Variants in BCL11B observed in about 807,000 individuals in gnomAD.
The protein encoded by BCL11B is B-cell lymphoma/leukemia 11B.
In BCL11B, 8 loss-of-function variants were observed where a neutral mutation model predicts 49.9. The observed-to-expected ratio is 0.16, with a 90% CI of 0.09 to 0.29. The LOEUF (loss-of-function observed/expected upper bound fraction) is 0.29, where lower values mean the gene tolerates loss of function less well. BCL11B is among the 10% of genes least tolerant of loss of function. The probability of loss-of-function intolerance (pLI) is 1.00; values close to 1 mark genes in which losing one functional copy is unlikely to be tolerated. For missense variants in BCL11B, 1,006 were observed against 1,351.0 expected (o/e 0.74, Z 4.00); for synonymous variants, 739 against 637.4 (o/e 1.16, Z -2.40).
At position 99,194,218 on chromosome 14, in the gene BCL11B, A is replaced by T. The variant is rs1208634896; in HGVS notation, c.641-18023T>A. ...CTGGACACCTGTCCTCCCTCCTCAC[A>T]GCCCCAGCACAGAGCAAGTGCTGCT... On this transcript the variant is annotated intron_variant, in intron 3 of 3. Coordinates refer to ENST00000357195, the MANE Select transcript of BCL11B (RefSeq NM_138576.4). The surrounding 1 kb of genome is among the most constrained non-coding windows in gnomAD (Gnocchi z 4.6). 6.6e-6 allele frequency among the ~76,000 whole-genome samples: 1 copy of T among 152,014 alleles called. No homozygotes were observed. Among genetic ancestry groups the T allele is most frequent in the Non-Finnish European group, 1.5e-5 (1 of 67,984 alleles).
At position 99,173,200 on chromosome 14, in the gene BCL11B, G is replaced by A. The variant is rs763543072; in HGVS notation, c.*951C>T. ...CCATCTCCCCAAAAAGGTACCCTCAGCCCATTTTATGTAGCCTAATCTACA... is the reference window on the plus strand; with the variant it reads ...CCATCTCCCCAAAAAGGTACCCTCAACCCATTTTATGTAGCCTAATCTACA... On this transcript the variant is annotated 3_prime_UTR_variant, in exon 4 of 4. Transcript: ENST00000357195. 8.7e-6 allele frequency: 2 copies of A among 229,314 alleles called. No homozygotes were observed. Among genetic ancestry groups the A allele is most frequent in the Non-Finnish European group, 8.6e-6 (1 of 115,678 alleles). The allele number at this position is 229,314 out of a possible 1,614,324, so 14.2% of individuals were successfully genotyped here. A position where few individuals can be genotyped will look rare whatever the true frequency, so the allele number is the denominator to read the frequency against.
At chr14:99,189,989 C>T (rs867668842) in intron 3 of BCL11B, among the ~76,000 whole-genome samples, 2 of 152,130 alleles carry the variant, frequency 1.3e-5, no homozygotes, top group African/African-American at 2.4e-5. Flanking sequence ...GGGTGTGGGC[C>T]GAGCCCAGGA....
intron 1 of BCL11B, 94 bp downstream of exon 1, chr14:99,271,067 T>C: frequency 2.2e-6 from 3 of 1,335,686 alleles, no homozygotes; most frequent in Non-Finnish European, 2.9e-6. Context: ...CCCCGGCGCC[T>C]GGCCAGGCTC....
Position 99,271,268 on chromosome 14 carries a change from G to T in BCL11B, c.-50C>A. 1 of 1,285,322 alleles carries T rather than the reference G, an allele frequency of 7.8e-7. No homozygotes were observed. Among genetic ancestry groups the T allele is most frequent in the Non-Finnish European group, 9.9e-7 (1 of 1,014,340 alleles). The allele number at this position is 1,285,322 out of a possible 1,614,324, so 79.6% of individuals were successfully genotyped here. A position where few individuals can be genotyped will look rare whatever the true frequency, so the allele number is the denominator to read the frequency against. Reference sequence around the variant, plus strand: ...GCCCGGAGAGCTGCACTGATGGGGGGAGCCGGGGGAGGGGGTCCGAGCCGC... The same window carrying T: ...GCCCGGAGAGCTGCACTGATGGGGGTAGCCGGGGGAGGGGGTCCGAGCCGC... On this transcript the variant is annotated 5_prime_UTR_variant, in exon 1 of 4. Coordinates refer to ENST00000357195, the MANE Select transcript of BCL11B (RefSeq NM_138576.4).
At chr14:99,252,978 G>A (rs567347482) in intron 2 of BCL11B, among the ~76,000 whole-genome samples, 29 of 152,386 alleles carry the variant, frequency 1.9e-4, no homozygotes, top group African/African-American at 6.5e-4. Context: ...TCGGCATGCT[G>A]CCAAGCAGGG....
intron 1 of BCL11B, among the ~76,000 whole-genome samples, chr14:99,268,866 T>C (rs1202116635): frequency 1.3e-5 from 2 of 152,170 alleles, no homozygotes; most frequent in African/African-American, 4.8e-5. Context: ...TCCCTGCCAC[T>C]GCTCCAGTGT....
rs1210204534 is a variant in BCL11B, at chr14:99,174,046, C to A, written c.*105G>T. On this transcript the variant is annotated 3_prime_UTR_variant, in exon 4 of 4. Coordinates refer to ENST00000357195, the MANE Select transcript of BCL11B (RefSeq NM_138576.4). ...TGCCGCCTCCCCTGGGCCCCGGGGA[C>A]ACGCGGGGTGCGGGGTGGCGGTGAC... 1 of 1,202,078 alleles carries A rather than the reference C, an allele frequency of 8.3e-7. No individual in the cohort carries two copies. Among genetic ancestry groups the A allele is most frequent in the South Asian group, 1.4e-5 (1 of 70,866 alleles). The allele number at this position is 1,202,078 out of a possible 1,614,324, so 74.5% of individuals were successfully genotyped here.
At chr14:99,229,003 A>AATGGATGGATGGATGGATGGATGGATGG (rs546394639) in intron 3 of BCL11B, among the ~76,000 whole-genome samples, 1 of 107,538 alleles carries the variant, frequency 9.3e-6, no homozygotes, top group East Asian at 2.9e-4. Flanking sequence ...TACATGGATG[A>AATGGATGGATGGATGGATGGATGGATGG]ATGGATGGAT....
intron 3 of BCL11B, among the ~76,000 whole-genome samples, chr14:99,208,914 G>A (rs1424021460): frequency 1.3e-5 from 2 of 152,212 alleles, no homozygotes; most frequent in Non-Finnish European, 2.9e-5. Context: ...GCCAGGCCAA[G>A]GCCAACGTGG....
Position 99,205,392 on chromosome 14 carries a change from C to T in BCL11B, c.640+25953G>A, listed in dbSNP as rs146265843. 4.5e-3 allele frequency among the ~76,000 whole-genome samples: 679 copies of T among 152,260 alleles called. 5 individuals are homozygous for T. Among genetic ancestry groups the T allele is most frequent in the African/African-American group, 0.015 (639 of 41,552 alleles). On this transcript the variant is annotated intron_variant, in intron 3 of 3. Coordinates refer to ENST00000357195, the MANE Select transcript of BCL11B (RefSeq NM_138576.4). The surrounding 1 kb of genome is among the most constrained non-coding windows in gnomAD (Gnocchi z 5.0). ...TCACTCTGGTGCTCCACAAGTTTGA[C>T]GGTTTGGGAAAATTCGCGGACTCTC...
At chr14:99,203,114 T>C (rs1322319025) in intron 3 of BCL11B, among the ~76,000 whole-genome samples, 1 of 152,210 alleles carries the variant, frequency 6.6e-6, no homozygotes, top group African/African-American at 2.4e-5. Context: ...AAACTGAGGC[T>C]GTGGCTTTCC....
Position 99,174,761 on chromosome 14 carries a change from T to C in BCL11B, c.2075A>G (p.Lys692Arg). 1 of 1,499,794 alleles carries C rather than the reference T, an allele frequency of 6.7e-7. No homozygotes were observed. Among genetic ancestry groups the C allele is most frequent in the Non-Finnish European group, 8.9e-7 (1 of 1,124,820 alleles). 92.9% of individuals were successfully genotyped at this position (1,499,794 alleles called of 1,614,324 possible). Residue 692 changes from lysine (K) to arginine (R), a missense_variant, in exon 4 of 4, where the codon AAG becomes AGG. By Grantham distance (26) the Lys-to-Arg change is conservative. Around this residue, in one of 6 missense-constraint regions of BCL11B, gnomAD observed 443 missense variants for 499.7 expected, o/e 0.89. Transcript: ENST00000357195. ...NSAAKRIKVE[K>R]DLELPPAALI... ...CGCGGCGGGCGGCAGCTCCAGGTCC[T>C]TCTCCACCTTGATGCGCTTGGCGGC...
intron 3 of BCL11B, among the ~76,000 whole-genome samples, chr14:99,190,578 A>G (rs1886995727): frequency 6.6e-6 from 1 of 152,176 alleles, no homozygotes; most frequent in African/African-American, 2.4e-5. Context: ...CCCATTCCTA[A>G]CAATGGGGAA....
At chr14:99,206,067 C>T (rs1887525198) in intron 3 of BCL11B, among the ~76,000 whole-genome samples, 1 of 152,148 alleles carries the variant, frequency 6.6e-6, no homozygotes, top group South Asian at 2.1e-4. Flanking sequence ...CAGAGGCCTC[C>T]TGGACCAGAT....
rs1888878243 is a variant in BCL11B, at chr14:99,247,368, T to G, written c.427+10103A>C. Among the ~76,000 whole-genome samples the G allele has an allele frequency of 6.6e-6, 1 of 152,200 alleles. No homozygotes were observed. Among genetic ancestry groups the G allele is most frequent in the African/African-American group, 2.4e-5 (1 of 41,456 alleles). On this transcript the variant is annotated intron_variant, in intron 2 of 3. Coordinates refer to ENST00000357195, the MANE Select transcript of BCL11B (RefSeq NM_138576.4). This position sits in a 1 kb window ranked among gnomAD's most constrained non-coding sequence, Gnocchi z 4.5. ...CTCCAGCCCCAGGAAAACTTAGTTT[T>G]GCTGGGTTTACCAACTCCAACAGTT...
At position 99,174,865 on chromosome 14, in the gene BCL11B, G is replaced by A. The variant is rs1886426310; in HGVS notation, c.1971C>T (p.Gly657=). Reference sequence around the variant, plus strand: ...GGAAGGGCTCGGTGCCTGGCGCGAAGCCGCCCCCGCGCCCGTTGACCGCGC... The same window carrying A: ...GGAAGGGCTCGGTGCCTGGCGCGAAACCGCCCCCGCGCCCGTTGACCGCGC... ...AGGAVNGRGG[G]FAPGTEPFPG... Residue 657 remains glycine, a synonymous_variant, in exon 4 of 4, where the codon GGC becomes GGT. Coordinates refer to ENST00000357195, the MANE Select transcript of BCL11B (RefSeq NM_138576.4). The A allele has an allele frequency of 6.7e-6, 8 of 1,185,734 alleles. No homozygotes were observed. Among genetic ancestry groups the A allele is most frequent in the Non-Finnish European group, 7.3e-6 (7 of 959,230 alleles). 73.5% of individuals were successfully genotyped at this position (1,185,734 alleles called of 1,614,324 possible).
In BCL11B at chr14:99,213,631, C is replaced by T. The variant is rs562250581; in HGVS notation, c.640+17714G>A. 2.6e-5 allele frequency among the ~76,000 whole-genome samples: 4 copies of T among 152,328 alleles called. No individual in the cohort carries two copies. The highest frequency in any genetic ancestry group is 1.9e-4 in the East Asian group (1 of 5,184). ...AGCCGGTGCCTGTCTCCCACACTCC[C>T]GGACGCCACAGGCTGCAGAGTCCAT... On this transcript the variant is annotated intron_variant, in intron 3 of 3. Transcript: ENST00000357195. This position sits in a 1 kb window ranked among gnomAD's most constrained non-coding sequence, Gnocchi z 5.1.
rs896909963 is a variant in BCL11B at position 99,228,900 on chromosome 14, G to A, written c.640+2445C>T. On this transcript the variant is annotated intron_variant, in intron 3 of 3. Transcript: ENST00000357195. This position sits in a 1 kb window ranked among gnomAD's most constrained non-coding sequence, Gnocchi z 4.8. ...CTAGGTGCCTTCCAAATGGCTTCAAGCTAAAGAATGAATAAATGGATGGAT... is the reference window on the plus strand; with the variant it reads ...CTAGGTGCCTTCCAAATGGCTTCAAACTAAAGAATGAATAAATGGATGGAT... Among the ~76,000 whole-genome samples, 4 of 152,242 alleles carry A rather than the reference G, an allele frequency of 2.6e-5. No individual in the cohort carries two copies. The highest frequency in any genetic ancestry group is 1.9e-4 in the East Asian group (1 of 5,200).
At position 99,242,106 on chromosome 14, in the gene BCL11B, G is replaced by T. The variant is rs1273357462; in HGVS notation, c.428-10549C>A. Among the ~76,000 whole-genome samples the T allele has an allele frequency of 6.6e-6, 1 of 152,176 alleles. No individual in the cohort carries two copies. Among genetic ancestry groups the T allele is most frequent in the Non-Finnish European group, 1.5e-5 (1 of 68,036 alleles). On this transcript the variant is annotated intron_variant, in intron 2 of 3. Coordinates refer to ENST00000357195, the MANE Select transcript of BCL11B (RefSeq NM_138576.4). This position sits in a 1 kb window ranked among gnomAD's most constrained non-coding sequence, Gnocchi z 4.4. ...GCAGGGGCAGGCGGCGCTGAAGGAA[G>T]ACTTTCTGAGCGGTTCGGTTCAGAG... is the stretch of plus-strand genomic sequence containing the variant.
Sources: allele counts gnomAD v4.1 joint callset (sites outside exome capture counted in the v4.1 genomes callset), GRCh38; gene constraint gnomAD v4.1.1; regional missense constraint gnomAD v4.1.1; non-coding constraint Gnocchi (gnomAD v3.1); transcripts MANE v1.5; gene names NCBI Gene and HGNC (gene_info 2026-07-23, HGNC 2026-07-21).